Variants in SGSH observed in about 807,000 individuals in gnomAD.
SGSH encodes N-sulfoglucosamine sulfohydrolase.
In SGSH, 48 loss-of-function variants were observed where a neutral mutation model predicts 51.0. The observed-to-expected ratio is 0.94, with a 90% CI of 0.75 to 1.20. The LOEUF is 1.20. SGSH is among the 50% of genes most tolerant of loss of function. The pLI is 0.00. For synonymous variants in SGSH, 321 were observed against 313.4 expected, an observed-to-expected ratio of 1.02 and a Z score of -0.26; for missense variants, 662 against 717.8, an observed-to-expected ratio of 0.92 and a Z score of 0.89.
Position 80,212,417 on chromosome 17 carries a change from A to G in SGSH, c.746-143T>C, listed in dbSNP as rs954056588. On this transcript the variant is annotated intron_variant, in intron 6 of 7. Coordinates refer to ENST00000326317, the MANE Select transcript of SGSH (RefSeq NM_000199.5). The surrounding 1 kb of genome is among the most constrained non-coding windows in gnomAD (Gnocchi z 5.9). ...TCGAAAGCACCCTGTAGTTCTTCCC[A>G]ATGGCCCTGGCTCTTGCCCAGCTCT... The G allele has an allele frequency of 5.4e-6, 4 of 745,856 alleles. No individual in the cohort carries two copies. Among genetic ancestry groups the G allele is most frequent in the Non-Finnish European group, 9.3e-6 (4 of 428,826 alleles). 46.2% of individuals were successfully genotyped at this position (745,856 alleles called of 1,614,324 possible).
At chr17:80,214,022 T>C (rs566859520) in intron 5 of SGSH, 137 bp from the exon 6 acceptor site, 2 of 1,323,224 alleles carry the variant, frequency 1.5e-6, no homozygotes, top group Non-Finnish European at 1.1e-6. Context: ...TCTACGGTTC[T>C]CTCTGTGGCC....
At chr17:80,205,287 C>A, downstream of SGSH, 1 of 1,193,084 alleles carries the variant, frequency 8.4e-7, no homozygotes, top group South Asian at 1.4e-5. Context: ...TCCTCCCCTT[C>A]CTCCCTCCTC....
At chr17:80,202,115 C>T, downstream of SGSH, 2 of 1,450,304 alleles carry the variant, frequency 1.4e-6, no homozygotes, top group Non-Finnish European at 1.9e-6. Flanking sequence ...CTTTAATTTT[C>T]TGCAACCTTC....
chr17:80,220,235 G>A lies in SGSH; in HGVS notation c.79C>T (p.Leu27=). 1 of 1,521,964 alleles carries A rather than the reference G, an allele frequency of 6.6e-7. No individual in the cohort carries two copies. The highest frequency in any genetic ancestry group is 8.8e-7 in the Non-Finnish European group (1 of 1,141,140). 94.3% of individuals were successfully genotyped at this position (1,521,964 alleles called of 1,614,324 possible). A position where few individuals can be genotyped will look rare whatever the true frequency, so the allele number is the denominator to read the frequency against. ...LCRARPRNAL[L]LLADDGGFES... is the part of the protein sequence containing the mutation. ...CGGCGCCGGCACTCACCGAGGAGCA[G>A]CAGTGCGTTCCGGGGACGCGCCCGG... Residue 27 remains leucine, a synonymous_variant, in exon 1 of 8, where the codon CTG becomes TTG. Coordinates refer to ENST00000326317, the MANE Select transcript of SGSH (RefSeq NM_000199.5).
downstream of SGSH, chr17:80,204,579 G>A: frequency 9.2e-6 from 4 of 433,704 alleles, no homozygotes; most frequent in Non-Finnish European, 1.7e-5. Context: ...AGCCGAGATG[G>A]TGCCATTGCA....
Position 80,213,400 on chromosome 17 carries a change from A to G in SGSH, c.745+404T>C. ...GGCCCTGCTGACACCTTGATTTCAA[A>G]CTTCTGGCCTCCTGAACTGTGGGAG... is the stretch of plus-strand genomic sequence containing the variant. On this transcript the variant is annotated intron_variant, in intron 6 of 7. Coordinates refer to ENST00000326317, the MANE Select transcript of SGSH (RefSeq NM_000199.5). The surrounding 1 kb of genome is among the most constrained non-coding windows in gnomAD (Gnocchi z 4.6). 4.5e-6 allele frequency: 1 copy of G among 222,178 alleles called. No homozygotes were observed. Among genetic ancestry groups the G allele is most frequent in the Non-Finnish European group, 9.1e-6 (1 of 110,378 alleles). The allele number at this position is 222,178 out of a possible 1,614,324, so 13.8% of individuals were successfully genotyped here.
chr17:80,205,718 G>C, downstream of SGSH: 1 of 1,463,684 alleles, frequency 6.8e-7, no homozygotes, highest in South Asian at 1.4e-5. Flanking sequence ...GCAGAGGAGG[G>C]GGATGAGATA....
intron 1 of SGSH, 127 bp from the exon 2 acceptor site, chr17:80,217,319 G>A: frequency 9.2e-7 from 1 of 1,082,032 alleles, no homozygotes; most frequent in Middle Eastern, 2.0e-4. Flanking sequence ...TACTGGCTCA[G>A]TGTGAACACT....
At chr17:80,206,138 C>G (rs1389261475), downstream of SGSH, among the ~76,000 whole-genome samples, 2 of 152,204 alleles carry the variant, frequency 1.3e-5, no homozygotes, top group East Asian at 3.9e-4. Context: ...GATGGAAACT[C>G]TTAATACTGC....
In SGSH at chr17:80,209,856, G is replaced by A; in HGVS notation, c.*596C>T. On this transcript the variant is annotated 3_prime_UTR_variant, in exon 8 of 8. Coordinates refer to ENST00000326317, the MANE Select transcript of SGSH (RefSeq NM_000199.5). ...AGCTGAAACCTGCCTGGGGAACAGG[G>A]ACTTGACCATGGGGCAAAACAGAAG... 8.1e-6 allele frequency: 8 copies of A among 989,482 alleles called. No individual in the cohort carries two copies. Among genetic ancestry groups the A allele is most frequent in the Non-Finnish European group, 9.6e-6 (8 of 832,366 alleles). 61.3% of individuals were successfully genotyped at this position (989,482 alleles called of 1,614,324 possible). A position where few individuals can be genotyped will look rare whatever the true frequency, so the allele number is the denominator to read the frequency against.
rs1555620092 is a variant in SGSH at position 80,210,580 on chromosome 17, GA to G, written c.1380del (p.Leu461TrpfsTer130). On this transcript the variant is annotated frameshift_variant, in exon 8 of 8. Transcript: ENST00000326317. LOFTEE classifies it high-confidence loss of function. ...GCCAGCTGGTCCCGAAGCATCTCCA[GA>G]AGCTGAGCAAAGCGCGGGTCGGTGG... ...NLATDPRFAQLLEMLRDQLAK... is the reference protein window; with the variant it reads ...NLATDPRFAQXLEMLRDQLAK... 1 of 1,613,382 alleles carries G rather than the reference GA, an allele frequency of 6.2e-7. No individual in the cohort carries two copies. The highest frequency in any genetic ancestry group is 8.5e-7 in the Non-Finnish European group (1 of 1,179,934).
At position 80,213,383 on chromosome 17, in the gene SGSH, T is replaced by A. The variant is rs1402968733; in HGVS notation, c.745+421A>T. 1.4e-5 allele frequency: 3 copies of A among 218,326 alleles called. No homozygotes were observed. The highest frequency in any genetic ancestry group is 2.3e-5 in the African/African-American group (1 of 42,906). The allele number at this position is 218,326 out of a possible 1,614,324, so 13.5% of individuals were successfully genotyped here. ...GGCCTTCAGGGGAGCATGGCCCTGC[T>A]GACACCTTGATTTCAAACTTCTGGC... On this transcript the variant is annotated intron_variant, in intron 6 of 7. Transcript: ENST00000326317. This position sits in a 1 kb window ranked among gnomAD's most constrained non-coding sequence, Gnocchi z 4.6.
chr17:80,216,273 G>A (rs1033428216), intron 2 of SGSH, among the ~76,000 whole-genome samples: 1 of 152,014 alleles, frequency 6.6e-6, no homozygotes, highest in Non-Finnish European at 1.5e-5. Context: ...AGGCTGCAGT[G>A]AGCCACGATC....
intron 1 of SGSH, among the ~76,000 whole-genome samples, chr17:80,217,737 G>A (rs60824051): frequency 7.3e-5 from 11 of 150,126 alleles, no homozygotes; most frequent in African/African-American, 2.7e-4. Flanking sequence ...TGATACCAGT[G>A]GGTATGTTAG....
chr17:80,208,010 C>T (rs1405049778), downstream of SGSH: 4 of 623,210 alleles, frequency 6.4e-6, no homozygotes, highest in Admixed American at 3.3e-5. Flanking sequence ...ATTTTCTTTA[C>T]AAGGTCCCCT....
Position 80,214,711 on chromosome 17 carries a change from G to GCAAAGTCAAACGGGTACA in SGSH, c.392_409dup (p.Val131_Phe136dup). The stretch of plus-strand genomic sequence containing the variant: ...GACGGAGCCATTCTCCTCCGTGTAC[G>GCAAAGTCAAACGGGTACA]CAAAGTCAAACGGGTACACGGTCTC... On this transcript the variant is annotated inframe_insertion, in exon 4 of 8. Transcript: ENST00000326317. 6.2e-7 allele frequency: 1 copy of GCAAAGTCAAACGGGTACA among 1,612,960 alleles called. No individual in the cohort carries two copies. The highest frequency in any genetic ancestry group is 8.5e-7 in the Non-Finnish European group (1 of 1,179,798).
Position 80,214,271 on chromosome 17 carries a change from G to A in SGSH, c.564C>T (p.Pro188=), listed in dbSNP as rs1378805024. 3 of 1,613,164 alleles carry A rather than the reference G, an allele frequency of 1.9e-6. No homozygotes were observed. Among genetic ancestry groups the A allele is most frequent in the African/African-American group, 2.7e-5 (2 of 74,922 alleles). The change falls in exon 5 of 8, where the codon CCC becomes CCT. Residue 188 remains proline, a synonymous_variant. Transcript: ENST00000326317. ...ACTTCTCACAGAAGGTTCCGTACTG[G>A]GGCTGGGAGTGCCCACAGCGGTGGG... ...HDPHRCGHSQ[P]QYGTFCEKFG...
chr17:80,204,058 C>T, downstream of SGSH: 1 of 812,268 alleles, frequency 1.2e-6, no homozygotes, highest in South Asian at 1.8e-5. Context: ...AGCCCCTGCC[C>T]AGCCTGCAGG....
At chr17:80,220,166 C>T in intron 1 of SGSH, 60 bp downstream of exon 1, 1 of 1,285,638 alleles carries the variant, frequency 7.8e-7, no homozygotes, top group Non-Finnish European at 1.1e-6. Flanking sequence ...GGGGAGGAGG[C>T]CAGTGGCCAC....
Sources: gnomAD v4.1 joint callset for allele counts (sites outside exome capture counted in the v4.1 genomes callset) on GRCh38, gnomAD v4.1.1 for gene constraint, Gnocchi (gnomAD v3.1) non-coding constraint, MANE v1.5 for transcripts, NCBI Gene and HGNC (gene_info 2026-07-23, HGNC 2026-07-21) for gene names.